TSPAN9: variants seen among roughly 807,000 people sequenced by gnomAD.
The protein encoded by TSPAN9 is tetraspanin-9.
TSPAN9 carries 16 observed loss-of-function variants against 31.0 expected under a neutral mutation model. The observed-to-expected ratio is 0.52, with a 90% CI of 0.35 to 0.78. The LOEUF is 0.78. TSPAN9 is among the 30% of genes least tolerant of loss of function. The pLI is 0.01. For synonymous variants in TSPAN9, 145 were observed against 121.6 expected (o/e 1.19, Z -1.27); for missense variants, 272 against 312.5 (o/e 0.87, Z 0.98).
chr12:3,276,801 G>A (rs1387660510), intron 3 of TSPAN9, among the ~76,000 whole-genome samples: 1 of 152,136 alleles, frequency 6.6e-6, no homozygotes, highest in Admixed American at 6.5e-5. Context: ...TGGAGAACAG[G>A]GCCTGGCACT....
rs1349079100 is a variant in TSPAN9, at chr12:3,143,586, A to T, written c.-17-57591A>T. ...GATATTTATTTACTTCACAGATAAA[A>T]AGTATAAATGTATGGATATAGGATA... On this transcript the variant is annotated intron_variant, in intron 2 of 8. Coordinates refer to ENST00000011898, the MANE Select transcript of TSPAN9 (RefSeq NM_006675.5). The surrounding 1 kb of genome is among the most constrained non-coding windows in gnomAD (Gnocchi z 4.2). 6.6e-6 allele frequency among the ~76,000 whole-genome samples: 1 copy of T among 152,200 alleles called. No individual in the cohort carries two copies. The highest frequency in any genetic ancestry group is 1.5e-5 in the Non-Finnish European group (1 of 68,042).
intron 3 of TSPAN9, among the ~76,000 whole-genome samples, chr12:3,210,067 C>T (rs982144531): frequency 6.7e-6 from 1 of 148,950 alleles, no homozygotes; most frequent in Non-Finnish European, 1.5e-5. Context: ...ACCCAGGAGG[C>T]CGAGCTTGCA....
chr12:3,155,269 A>C (rs565804096), intron 2 of TSPAN9, among the ~76,000 whole-genome samples: 1 of 152,308 alleles, frequency 6.6e-6, no homozygotes, highest in East Asian at 1.9e-4. Flanking sequence ...ATTAATAAAA[A>C]TCATGGGGTG....
At chr12:3,174,807 C>T (rs1345041217) in intron 2 of TSPAN9, among the ~76,000 whole-genome samples, 3 of 151,054 alleles carry the variant, frequency 2.0e-5, no homozygotes, top group Non-Finnish European at 4.4e-5. Flanking sequence ...TGGTCTCGAT[C>T]TCCTGACCTC....
intron 2 of TSPAN9, among the ~76,000 whole-genome samples, chr12:3,110,498 T>G (rs2098317993): frequency 6.6e-6 from 1 of 152,202 alleles, no homozygotes; most frequent in Non-Finnish European, 1.5e-5. Context: ...ACATAGCTGG[T>G]GCATTTACTT....
intron 3 of TSPAN9, among the ~76,000 whole-genome samples, chr12:3,237,605 T>C (rs2098394482): frequency 1.6e-5 from 2 of 127,896 alleles, no homozygotes; most frequent in South Asian, 5.2e-4. Flanking sequence ...AGCCCACTCT[T>C]CTTTCTCTGA....
intron 2 of TSPAN9, among the ~76,000 whole-genome samples, chr12:3,195,995 G>C (rs917592014): frequency 6.6e-6 from 1 of 152,204 alleles, no homozygotes; most frequent in African/African-American, 2.4e-5. Flanking sequence ...CGTGAGTGGG[G>C]GTAGAAGGTG....
At chr12:3,120,140 G>A (rs1435386717) in intron 2 of TSPAN9, among the ~76,000 whole-genome samples, 3 of 152,194 alleles carry the variant, frequency 2.0e-5, no homozygotes, top group African/African-American at 7.2e-5. Flanking sequence ...CTTTTCAGCT[G>A]GTGTTAATTG....
chr12:3,149,348 C>G (rs1035049073), intron 2 of TSPAN9, among the ~76,000 whole-genome samples: 4 of 152,154 alleles, frequency 2.6e-5, no homozygotes, highest in Admixed American at 2.0e-4. Context: ...AGGGAGATGC[C>G]CATCCTGGCA....
intron 2 of TSPAN9, among the ~76,000 whole-genome samples, chr12:3,177,917 T>A (rs2098356700): frequency 6.6e-6 from 1 of 151,856 alleles, no homozygotes; most frequent in Non-Finnish European, 1.5e-5. Flanking sequence ...TCCGCCAGGG[T>A]GTGAGGTCCT....
chr12:3,234,106 C>G (rs893032522), intron 3 of TSPAN9, among the ~76,000 whole-genome samples: 2 of 152,196 alleles, frequency 1.3e-5, no homozygotes, highest in African/African-American at 4.8e-5. Flanking sequence ...CATCCTGGAA[C>G]CTCTGCCAAG....
chr12:3,268,163 C>A (rs113657369), intron 3 of TSPAN9, among the ~76,000 whole-genome samples: 1,853 of 148,246 alleles, frequency 0.012, 128 homozygotes, highest in African/African-American at 0.044. Context: ...TCCGTGCATT[C>A]CTGCAGCCTA....
intron 3 of TSPAN9, among the ~76,000 whole-genome samples, chr12:3,210,705 G>A (rs1313926494): frequency 3.5e-5 from 5 of 144,732 alleles, no homozygotes; most frequent in African/African-American, 1.3e-4. Context: ...TACTTTTTAT[G>A]TATTTAAGAA....
At chr12:3,112,669 ATTTTTGCTTTTT>A (rs2098319679) in intron 2 of TSPAN9, among the ~76,000 whole-genome samples, 1 of 83,258 alleles carries the variant, frequency 1.2e-5, no homozygotes, top group Non-Finnish European at 2.5e-5. Context: ...AATCTCATTT[ATTTTTGCTTTTT>A]TTTTTTTTTT....
chr12:3,114,949 T>C (rs1445273012), intron 2 of TSPAN9, among the ~76,000 whole-genome samples: 2 of 152,100 alleles, frequency 1.3e-5, no homozygotes, highest in East Asian at 1.9e-4. Context: ...AGTTTGTCTA[T>C]CTGAAGAGGA....
Position 3,217,247 on chromosome 12 carries a change from T to C in TSPAN9, c.63+15991T>C, listed in dbSNP as rs1013151153. Among the ~76,000 whole-genome samples the C allele has an allele frequency of 2.2e-4, 33 of 152,144 alleles. 2 individuals carry two copies. ...TGCCCGGACCTTGGATGCCAGGGGC[T>C]GAGGTGTAGCATCCTGGGGTCCCTG... On this transcript the variant is annotated intron_variant, in intron 3 of 8. Transcript: ENST00000011898.
At chr12:3,152,051 G>C (rs2098340032) in intron 2 of TSPAN9, among the ~76,000 whole-genome samples, 1 of 152,250 alleles carries the variant, frequency 6.6e-6, no homozygotes, top group African/African-American at 2.4e-5. Context: ...GCTTGGCGCA[G>C]ACAACTCTGA....
In TSPAN9 at chr12:3,086,890, C is replaced by T. The variant is rs1272837526; in HGVS notation, c.-18+3171C>T. 7.2e-5 allele frequency among the ~76,000 whole-genome samples: 11 copies of T among 152,242 alleles called. 1 individual carries two copies. Among genetic ancestry groups the T allele is most frequent in the Admixed American group, 7.2e-4 (11 of 15,288 alleles). On this transcript the variant is annotated intron_variant, in intron 2 of 8. Transcript: ENST00000011898. ...CGTGGGCAGTGACCCTGGCTGTGCG[C>T]ACACTTGGAGGCACGCCGCCTCCAA...
At chr12:3,161,875 G>A (rs933105927) in intron 2 of TSPAN9, among the ~76,000 whole-genome samples, 14 of 152,054 alleles carry the variant, frequency 9.2e-5, no homozygotes, top group African/African-American at 2.2e-4. Context: ...GAGTGCAGTG[G>A]GTGCACTCCA....
Sources: allele counts gnomAD v4.1 joint callset (sites outside exome capture counted in the v4.1 genomes callset), GRCh38; gene constraint gnomAD v4.1.1; non-coding constraint Gnocchi (gnomAD v3.1); transcripts MANE v1.5; gene names NCBI Gene and HGNC (gene_info 2026-07-23, HGNC 2026-07-21).